The following ADCY8 variants were observed in gnomAD, a reference collection of about 807,000 sequenced individuals.
The protein encoded by ADCY8 is adenylate cyclase type 8.
Under a neutral mutation model 119.7 loss-of-function variants are expected in ADCY8, and 51 were observed. The ratio of observed to expected loss-of-function variants is 0.43; its 90% confidence interval spans 0.34 to 0.54. The LOEUF (loss-of-function observed/expected upper bound fraction) is 0.54, where lower values mean the gene tolerates loss of function less well. ADCY8 is among the 20% of genes least tolerant of loss of function. The pLI is 0.03. For synonymous variants in ADCY8, 665 were observed against 651.0 expected (o/e 1.02, Z -0.33); for missense variants, 1,383 against 1,598.8 (o/e 0.87, Z 2.30).
At chr8:130,923,305 A>G (rs1247602776) in intron 5 of ADCY8, among the ~76,000 whole-genome samples, 1 of 151,758 alleles carries the variant, frequency 6.6e-6, no homozygotes, top group African/African-American at 2.4e-5. Flanking sequence ...AATGTAACAA[A>G]GAGAGAAATA....
At chr8:130,867,985 A>G in intron 8 of ADCY8, 39 bp from the exon 9 acceptor site, 1 of 1,412,802 alleles carries the variant, frequency 7.1e-7, no homozygotes, top group Non-Finnish European at 9.9e-7. Flanking sequence ...ACTTTGCAGC[A>G]GAGTGCAGTG....
chr8:130,994,976 G>A (rs1314386292), intron 1 of ADCY8, among the ~76,000 whole-genome samples: 1 of 152,170 alleles, frequency 6.6e-6, no homozygotes, highest in Non-Finnish European at 1.5e-5. Context: ...GGTGGATACA[G>A]AATGGTCTCC....
At position 130,852,253 on chromosome 8, in the gene ADCY8, G is replaced by GT. The variant is rs1276551567; in HGVS notation, c.2211-2451dup. On this transcript the variant is annotated intron_variant, in intron 9 of 17. Transcript: ENST00000286355. ...ACAGCCTCAGCTATTGTTGGTAGAG[G>GT]TTTTTTTTGTTTGTTTTTGACTAGC... 4.6e-5 allele frequency among the ~76,000 whole-genome samples: 7 copies of GT among 151,952 alleles called. 1 individual carries two copies. In the South Asian group the frequency reaches 6.2e-4, roughly 14 times the overall value.
At chr8:130,945,084 T>C (rs147587748) in intron 3 of ADCY8, among the ~76,000 whole-genome samples, 2,240 of 152,268 alleles carry the variant, frequency 0.015, 27 homozygotes, top group African/African-American at 0.027. Context: ...GAGAGAACAG[T>C]ACATTCTAGG....
At chr8:130,940,383 G>A (rs1425606341) in intron 4 of ADCY8, among the ~76,000 whole-genome samples, 1 of 152,222 alleles carries the variant, frequency 6.6e-6, no homozygotes, top group African/African-American at 2.4e-5. Context: ...GGATAATGAT[G>A]TGATGATGTT....
intron 5 of ADCY8, among the ~76,000 whole-genome samples, chr8:130,936,760 A>G (rs775962791): frequency 6.6e-6 from 1 of 152,008 alleles, no homozygotes; most frequent in African/African-American, 2.4e-5. Flanking sequence ...TCTTTCATTC[A>G]TCTCTCTCTC....
At chr8:130,824,375 G>T (rs986026965) in intron 12 of ADCY8, among the ~76,000 whole-genome samples, 40 of 152,234 alleles carry the variant, frequency 2.6e-4, no homozygotes, top group Middle Eastern at 3.4e-3. Context: ...AGACTGAGTT[G>T]TTAAAAAATT....
chr8:130,868,056 A>C lies in ADCY8; in HGVS notation c.2110-110T>G. 4.5e-6 allele frequency: 3 copies of C among 662,422 alleles called. No individual in the cohort carries two copies. The East Asian group carries it at 8.6e-5, about 19-fold the overall frequency. The allele number at this position is 662,422 out of a possible 1,614,324, so 41.0% of individuals were successfully genotyped here. A position where few individuals can be genotyped will look rare whatever the true frequency, so the allele number is the denominator to read the frequency against. On this transcript the variant is annotated intron_variant, in intron 8 of 17. Transcript: ENST00000286355. The stretch of plus-strand genomic sequence containing the variant: ...CAATTAGATTTTTTTTAAATTAAGA[A>C]TAATTCATATCTTAATAAAACCTTC...
chr8:130,939,550 A>G (rs1820895747), intron 4 of ADCY8, among the ~76,000 whole-genome samples: 1 of 152,158 alleles, frequency 6.6e-6, no homozygotes, highest in Non-Finnish European at 1.5e-5. Context: ...CCTGTTTGCT[A>G]CAGGGAGGGA....
chr8:130,878,550 A>G (rs748195293), intron 8 of ADCY8, among the ~76,000 whole-genome samples: 8 of 152,204 alleles, frequency 5.3e-5, no homozygotes, highest in Non-Finnish European at 7.3e-5. Context: ...CTCATGCTCA[A>G]TCAAGGACAG....
rs116213126 is a variant in ADCY8 at position 130,952,791 on chromosome 8, G to C, written c.1111-793C>G. Among the ~76,000 whole-genome samples the C allele has an allele frequency of 4.6e-3, 705 of 152,290 alleles. 6 individuals are homozygous for C. The highest frequency in any genetic ancestry group is 0.016 in the African/African-American group (684 of 41,570). On this transcript the variant is annotated intron_variant, in intron 2 of 17. Transcript: ENST00000286355. Reference sequence around the variant, plus strand: ...GATAAGATTCATAGAACTGGCAACCGAGATGGCAGGAAAGAAAAAGGGTGT... The same window carrying C: ...GATAAGATTCATAGAACTGGCAACCCAGATGGCAGGAAAGAAAAAGGGTGT...
Position 131,040,552 on chromosome 8 carries a change from C to T in ADCY8, c.-219G>A. Reference sequence around the variant, plus strand: ...GAAGATCGCGGCGGACCTCGGCGTCCTTGCGTGCTGCTCTCCCGCCAGCCG... The same window carrying T: ...GAAGATCGCGGCGGACCTCGGCGTCTTTGCGTGCTGCTCTCCCGCCAGCCG... On this transcript the variant is annotated 5_prime_UTR_variant, in exon 1 of 18. Transcript: ENST00000286355. The T allele has an allele frequency of 9.0e-6, 4 of 444,544 alleles. No individual in the cohort carries two copies. The highest frequency in any genetic ancestry group is 1.5e-5 in the Non-Finnish European group (4 of 267,238). The allele number at this position is 444,544 out of a possible 1,614,324, so 27.5% of individuals were successfully genotyped here.
intron 13 of ADCY8, among the ~76,000 whole-genome samples, chr8:130,815,812 C>T (rs1175958536): frequency 1.3e-5 from 2 of 152,176 alleles, no homozygotes; most frequent in African/African-American, 2.4e-5. Flanking sequence ...TTGATGTGAA[C>T]ATCAGTGACC....
At chr8:131,032,475 A>C (rs1273727690) in intron 1 of ADCY8, among the ~76,000 whole-genome samples, 1 of 152,190 alleles carries the variant, frequency 6.6e-6, no homozygotes, top group Non-Finnish European at 1.5e-5. Flanking sequence ...AGAAACAAGC[A>C]AACATAGGTT....
chr8:130,978,249 G>A (rs1412258070), intron 2 of ADCY8, among the ~76,000 whole-genome samples: 1 of 152,140 alleles, frequency 6.6e-6, no homozygotes, highest in Non-Finnish European at 1.5e-5. Context: ...TTGTAAAGAT[G>A]AAATATTTAC....
chr8:130,898,858 A>G (rs1586549004), intron 7 of ADCY8, among the ~76,000 whole-genome samples: 1 of 152,224 alleles, frequency 6.6e-6, no homozygotes, highest in Admixed American at 6.5e-5. Context: ...TGCTAAGTCT[A>G]CTCTTGTCCC....
rs550759254 is a variant in ADCY8, at chr8:130,843,667, T to A, written c.2502+3757A>T. On this transcript the variant is annotated intron_variant, in intron 11 of 17. Coordinates refer to ENST00000286355, the MANE Select transcript of ADCY8 (RefSeq NM_001115.3). Reference sequence around the variant, plus strand: ...TTTCAGATGGAAAGGTAAATCTTGTTCCTGTTAGTCTATTGGAAGAATGCT... The same window carrying A: ...TTTCAGATGGAAAGGTAAATCTTGTACCTGTTAGTCTATTGGAAGAATGCT... Among the ~76,000 whole-genome samples, 55 of 152,312 alleles carry A rather than the reference T, an allele frequency of 3.6e-4. No homozygotes were observed. In the East Asian group the frequency reaches 3.7e-3, roughly 10 times the overall value.
intron 8 of ADCY8, among the ~76,000 whole-genome samples, chr8:130,883,179 AAAAT>A (rs1378252650): frequency 1.3e-5 from 2 of 152,220 alleles, no homozygotes; most frequent in African/African-American, 4.8e-5. Context: ...ATCTTTAGCA[AAAAT>A]AAATAAAAGC....
intron 2 of ADCY8, among the ~76,000 whole-genome samples, chr8:130,964,612 A>T (rs1821706634): frequency 6.6e-6 from 1 of 152,216 alleles, no homozygotes; most frequent in African/African-American, 2.4e-5. Flanking sequence ...AATTATAAAA[A>T]TCTGGAAGTC....
Sources: allele counts gnomAD v4.1 joint callset (sites outside exome capture counted in the v4.1 genomes callset), GRCh38; gene constraint gnomAD v4.1.1; transcripts MANE v1.5; gene names NCBI Gene and HGNC (gene_info 2026-07-23, HGNC 2026-07-21).